PRKCA: variants seen among roughly 807,000 people sequenced by gnomAD.
PRKCA encodes protein kinase C alpha type.
Under a neutral mutation model 87.0 loss-of-function variants are expected in PRKCA, and 27 were observed. The ratio of observed to expected loss-of-function variants is 0.31; its 90% CI spans 0.23 to 0.43. The LOEUF (loss-of-function observed/expected upper bound fraction) is 0.43. Ranked by LOEUF, PRKCA falls within the 20% of genes least tolerant of loss-of-function variation. PRKCA has a pLI of 1.00. For synonymous variants in PRKCA, 329 were observed against 311.1 expected, an observed-to-expected ratio of 1.06 and a Z score of -0.61; for missense variants, 518 against 852.3, an observed-to-expected ratio of 0.61 and a Z score of 4.88.
intron 2 of PRKCA, among the ~76,000 whole-genome samples, chr17:66,382,425 C>T (rs1454090363): frequency 3.3e-5 from 5 of 152,100 alleles, no homozygotes; most frequent in South Asian, 2.1e-4. Context: ...CTCAGTCTCC[C>T]GAGTAGCCGG....
chr17:66,675,002 G>A (rs1472769728), intron 5 of PRKCA, among the ~76,000 whole-genome samples: 2 of 152,204 alleles, frequency 1.3e-5, no homozygotes, highest in African/African-American at 2.4e-5. Flanking sequence ...ACCACCCAAC[G>A]CCTCCTATCC....
intron 8 of PRKCA, among the ~76,000 whole-genome samples, chr17:66,705,373 T>C (rs1034581072): frequency 1.3e-5 from 2 of 152,224 alleles, no homozygotes; most frequent in African/African-American, 4.8e-5. Context: ...AGACAGCCTC[T>C]GAAAGCAACT....
intron 8 of PRKCA, among the ~76,000 whole-genome samples, chr17:66,723,622 C>T (rs190257589): frequency 1.5e-4 from 22 of 146,664 alleles, no homozygotes; most frequent in African/African-American, 5.0e-4. Flanking sequence ...AGTGAGACTC[C>T]GTCTCAAAAA....
At chr17:66,349,963 T>TA (rs139309260) in intron 2 of PRKCA, among the ~76,000 whole-genome samples, 19,494 of 150,570 alleles carry the variant, frequency 0.13, 1,532 homozygotes, top group East Asian at 0.28. Context: ...TTACAGAGGT[T>TA]AAAAAAAAAG....
At chr17:66,452,762 G>A (rs1006856016) in intron 2 of PRKCA, among the ~76,000 whole-genome samples, 1 of 152,330 alleles carries the variant, frequency 6.6e-6, no homozygotes, top group African/African-American at 2.4e-5. Context: ...TACTCAGGAG[G>A]CTGAGGCAGG....
At chr17:66,542,969 A>G (rs545332007) in intron 3 of PRKCA, among the ~76,000 whole-genome samples, 1 of 152,222 alleles carries the variant, frequency 6.6e-6, no homozygotes, top group Non-Finnish European at 1.5e-5. Flanking sequence ...TTGGAGTTAC[A>G]GTTAAGAGTC....
At chr17:66,384,598 G>T (rs1375999286) in intron 2 of PRKCA, among the ~76,000 whole-genome samples, 1 of 151,582 alleles carries the variant, frequency 6.6e-6, no homozygotes, top group African/African-American at 2.4e-5. Flanking sequence ...ATTTGACAAT[G>T]ACTCCCTTCT....
intron 2 of PRKCA, among the ~76,000 whole-genome samples, chr17:66,481,951 A>G (rs955878243): frequency 6.6e-6 from 1 of 151,868 alleles, no homozygotes; most frequent in Non-Finnish European, 1.5e-5. Context: ...AAATACAAAA[A>G]TTAGCTGGGT....
At chr17:66,389,479 G>A (rs1179694448) in intron 2 of PRKCA, among the ~76,000 whole-genome samples, 4 of 152,198 alleles carry the variant, frequency 2.6e-5, no homozygotes, top group Non-Finnish European at 5.9e-5. Flanking sequence ...CAGGGATATC[G>A]TAAGGAATGG....
chr17:66,629,835 T>C (rs911095728), intron 3 of PRKCA, among the ~76,000 whole-genome samples: 9 of 152,088 alleles, frequency 5.9e-5, no homozygotes, highest in African/African-American at 1.9e-4. Context: ...TGTGATAAAA[T>C]TTCACGGAAC....
chr17:66,657,623 G>A (rs76141228), intron 5 of PRKCA, among the ~76,000 whole-genome samples: 2,377 of 152,202 alleles, frequency 0.016, 72 homozygotes, highest in African/African-American at 0.054. Flanking sequence ...CTTATGGCCC[G>A]CACAGGTGGA....
In PRKCA at chr17:66,419,692, G is replaced by A. The variant is rs369872736; in HGVS notation, c.206-76509G>A. On this transcript the variant is annotated intron_variant, in intron 2 of 16. Coordinates refer to ENST00000413366, the MANE Select transcript of PRKCA (RefSeq NM_002737.3). ...TTTACTAACCAGAATTAAACACTCCGCATGAGAAAAACGGCACAACACAAT... is the reference window on the plus strand; with the variant it reads ...TTTACTAACCAGAATTAAACACTCCACATGAGAAAAACGGCACAACACAAT... 2.2e-3 allele frequency among the ~76,000 whole-genome samples: 337 copies of A among 152,116 alleles called. 1 individual carries two copies. Among genetic ancestry groups the A allele is most frequent in the African/African-American group, 7.6e-3 (317 of 41,512 alleles).
At position 66,355,026 on chromosome 17, in the gene PRKCA, C is replaced by T. The variant is rs540530343; in HGVS notation, c.205+48899C>T. Among the ~76,000 whole-genome samples the T allele has an allele frequency of 8.5e-5, 13 of 152,110 alleles. No homozygotes were observed. In the South Asian group the frequency reaches 1.2e-3, roughly 15 times the overall value. On this transcript the variant is annotated intron_variant, in intron 2 of 16. Coordinates refer to ENST00000413366, the MANE Select transcript of PRKCA (RefSeq NM_002737.3). ...GATGAACTCTCGTTGCTCGAGGGGG[C>T]GAAAACAGAGTGAACGTGGAAATGA...
chr17:66,674,117 G>A (rs1598863059), intron 5 of PRKCA, among the ~76,000 whole-genome samples: 1 of 152,226 alleles, frequency 6.6e-6, no homozygotes, highest in African/African-American at 2.4e-5. Context: ...TATCTTGTCT[G>A]TCCTGTGTTG....
chr17:66,497,998 A>C (rs1157673451), intron 3 of PRKCA, among the ~76,000 whole-genome samples: 2 of 152,184 alleles, frequency 1.3e-5, no homozygotes, highest in African/African-American at 4.8e-5. Flanking sequence ...CTCACAGGAC[A>C]TGGGAGCCAG....
In PRKCA at chr17:66,706,479, CA is replaced by C. The variant is rs398031367; in HGVS notation, c.918+17446del. Among the ~76,000 whole-genome samples the C allele has an allele frequency of 1.8e-3, 262 of 142,734 alleles. 1 individual carries two copies. The highest frequency in any genetic ancestry group is 2.3e-3 in the South Asian group (10 of 4,428). 93.6% of individuals were successfully genotyped at this position (142,734 alleles called of 152,430 possible). A position where few individuals can be genotyped will look rare whatever the true frequency, so the allele number is the denominator to read the frequency against. On this transcript the variant is annotated intron_variant, in intron 8 of 16. Transcript: ENST00000413366. ...TGAAACCCCGTCTCTACTAAAAATA[CA>C]AAAAAAAAAAAAATTAGCCAGGCAT...
intron 3 of PRKCA, among the ~76,000 whole-genome samples, chr17:66,613,256 CA>C (rs1219881085): frequency 6.6e-6 from 1 of 152,154 alleles, no homozygotes; most frequent in Non-Finnish European, 1.5e-5. Context: ...AGAGTTGAGT[CA>C]AGGACATCCC....
chr17:66,614,922 TGAATGA>T (rs1318251905), intron 3 of PRKCA, among the ~76,000 whole-genome samples: 3 of 151,748 alleles, frequency 2.0e-5, no homozygotes, highest in Admixed American at 1.3e-4. Flanking sequence ...AACAGCAGAC[TGAATGA>T]GAATGTTTAT....
intron 16 of PRKCA, 110 bp downstream of exon 16, chr17:66,789,089 A>C: frequency 7.4e-7 from 1 of 1,358,806 alleles, no homozygotes; most frequent in Non-Finnish European, 1.0e-6. Flanking sequence ...TGGCTTGTAC[A>C]GGGTGAGGAA....
Sources: allele counts gnomAD v4.1 joint callset (sites outside exome capture counted in the v4.1 genomes callset), GRCh38; gene constraint gnomAD v4.1.1; transcripts MANE v1.5; gene names NCBI Gene and HGNC (gene_info 2026-07-23, HGNC 2026-07-21).